ARHGAP24: variants seen among roughly 807,000 people sequenced by gnomAD.
ARHGAP24 encodes rho GTPase-activating protein 24.
ARHGAP24 carries 50 observed loss-of-function variants against 76.4 expected under a neutral mutation model. The ratio of observed to expected loss-of-function variants is 0.65; its 90% CI spans 0.52 to 0.83. The LOEUF (loss-of-function observed/expected upper bound fraction) is 0.83, where lower values mean the gene tolerates loss of function less well. Ranked by LOEUF, ARHGAP24 falls within the 40% of genes least tolerant of loss-of-function variation. The pLI is 0.00. For missense variants in ARHGAP24, 930 were observed against 914.2 expected (o/e 1.02, Z -0.22); for synonymous variants, 345 against 323.3 (o/e 1.07, Z -0.72).
intron 2 of ARHGAP24, among the ~76,000 whole-genome samples, chr4:85,578,775 T>C (rs938296379): frequency 6.6e-6 from 1 of 152,030 alleles, no homozygotes; most frequent in Non-Finnish European, 1.5e-5. Context: ...ATTTGTACCA[T>C]CTTTGTCCAT....
chr4:85,672,835 T>C (rs1722854496), intron 2 of ARHGAP24, among the ~76,000 whole-genome samples: 1 of 152,228 alleles, frequency 6.6e-6, no homozygotes, highest in Admixed American at 6.5e-5. Context: ...TTTCTTTTTG[T>C]AATTAATTAT....
chr4:85,601,381 T>C (rs1427755571), intron 2 of ARHGAP24, among the ~76,000 whole-genome samples: 3 of 152,240 alleles, frequency 2.0e-5, no homozygotes, highest in Non-Finnish European at 2.9e-5. Flanking sequence ...CCTGGTATTA[T>C]ATGCAACAAC....
At chr4:85,993,602 T>A (rs1740467808) in intron 8 of ARHGAP24, among the ~76,000 whole-genome samples, 1 of 152,206 alleles carries the variant, frequency 6.6e-6, no homozygotes, top group Non-Finnish European at 1.5e-5. Flanking sequence ...AATTAGCTGC[T>A]GTTGTAATGA....
At chr4:85,851,915 C>T (rs1731258019) in intron 3 of ARHGAP24, among the ~76,000 whole-genome samples, 1 of 152,100 alleles carries the variant, frequency 6.6e-6, no homozygotes. Flanking sequence ...GTGAATCTGA[C>T]AATTATGTGT....
chr4:85,723,271 A>G (rs1725028830), intron 3 of ARHGAP24: 1 of 152,220 alleles, frequency 6.6e-6, no homozygotes. Context: ...TTTATCTCCA[A>G]TAATGCTAGA....
Position 85,772,310 on chromosome 4 carries a change from C to T in ARHGAP24, c.268+50338C>T, listed in dbSNP as rs1161761368. 3.3e-5 allele frequency among the ~76,000 whole-genome samples: 5 copies of T among 152,158 alleles called. No homozygotes were observed. In the South Asian group the frequency reaches 1.0e-3, roughly 32 times the overall value. Reference sequence around the variant, plus strand: ...ATTGTCATTAACAGCAGTGCCTCCTCTTACTCTCAGAAAGTCAAGATTTAG... The same window carrying T: ...ATTGTCATTAACAGCAGTGCCTCCTTTTACTCTCAGAAAGTCAAGATTTAG... On this transcript the variant is annotated intron_variant, in intron 3 of 9. Transcript: ENST00000395184.
intron 3 of ARHGAP24, among the ~76,000 whole-genome samples, chr4:85,781,900 G>A (rs922612278): frequency 1.4e-4 from 22 of 151,788 alleles, no homozygotes; most frequent in African/African-American, 4.4e-4. Flanking sequence ...AGCCAGGCAC[G>A]GTGGCGCATG....
intron 3 of ARHGAP24, among the ~76,000 whole-genome samples, chr4:85,810,015 A>C (rs1259006360): frequency 1.3e-5 from 2 of 152,242 alleles, no homozygotes; most frequent in African/African-American, 4.8e-5. Flanking sequence ...CATATTATGA[A>C]ATCATAAAAT....
At chr4:85,620,968 T>C (rs1468635925) in intron 2 of ARHGAP24, among the ~76,000 whole-genome samples, 2 of 152,160 alleles carry the variant, frequency 1.3e-5, no homozygotes, top group East Asian at 1.9e-4. Context: ...TATCTATTGT[T>C]TTCATCTTTA....
chr4:85,762,050 T>C (rs1267744552), intron 3 of ARHGAP24, among the ~76,000 whole-genome samples: 1 of 152,210 alleles, frequency 6.6e-6, no homozygotes, highest in African/African-American at 2.4e-5. Context: ...ATGGTAAAAT[T>C]GCACCACCAG....
At chr4:85,969,646 G>GT (rs895765880) in intron 5 of ARHGAP24, among the ~76,000 whole-genome samples, 40 of 152,080 alleles carry the variant, frequency 2.6e-4, no homozygotes, top group Non-Finnish European at 4.3e-4. Context: ...CCAAGCTGTG[G>GT]TTTTTTTACT....
intron 3 of ARHGAP24, among the ~76,000 whole-genome samples, chr4:85,739,969 C>T (rs1391492518): frequency 6.6e-6 from 1 of 152,258 alleles, no homozygotes; most frequent in African/African-American, 2.4e-5. Flanking sequence ...CCCTATCGCC[C>T]CTTGCTCCCA....
At chr4:85,727,966 G>T (rs796407561) in intron 3 of ARHGAP24, among the ~76,000 whole-genome samples, 21 of 151,568 alleles carry the variant, frequency 1.4e-4, no homozygotes, top group African/African-American at 5.1e-4. Context: ...GATAAATTTT[G>T]AAGGATAATC....
intron 2 of ARHGAP24, among the ~76,000 whole-genome samples, chr4:85,578,899 C>T (rs995547783): frequency 1.3e-5 from 2 of 152,104 alleles, no homozygotes; most frequent in African/African-American, 2.4e-5. Flanking sequence ...CAGGGAGGTG[C>T]TTTTCGTTGG....
At chr4:85,568,648 G>C (rs748255278) in intron 1 of ARHGAP24, among the ~76,000 whole-genome samples, 13 of 152,124 alleles carry the variant, frequency 8.5e-5, no homozygotes, top group South Asian at 2.1e-4. Context: ...CCAGTCTGCA[G>C]ACACACGGGC....
In ARHGAP24 at chr4:85,856,115, C is replaced by T. The variant is rs184318240; in HGVS notation, c.269-67533C>T. Among the ~76,000 whole-genome samples the T allele has an allele frequency of 1.3e-3, 201 of 152,252 alleles. 1 individual carries two copies. The highest frequency in any genetic ancestry group is 2.0e-3 in the Non-Finnish European group (136 of 68,026). On this transcript the variant is annotated intron_variant, in intron 3 of 9. Transcript: ENST00000395184. ...TCCAGTTGCTTCATGTTCTTGCCAT[C>T]ATTTGATATTATCAACCTTTCTTTT...
intron 6 of ARHGAP24, chr4:85,972,455 A>G: frequency 2.4e-6 from 1 of 411,054 alleles, no homozygotes. Flanking sequence ...CACATCACAC[A>G]AAAGAAGTGA....
At chr4:85,698,711 C>T (rs1268202474) in intron 2 of ARHGAP24, among the ~76,000 whole-genome samples, 1 of 152,178 alleles carries the variant, frequency 6.6e-6, no homozygotes, top group Admixed American at 6.5e-5. Flanking sequence ...TCCTGGCTTC[C>T]ACATAGCACG....
intron 2 of ARHGAP24, among the ~76,000 whole-genome samples, chr4:85,644,526 A>G (rs1462176970): frequency 2.0e-5 from 3 of 152,142 alleles, no homozygotes; most frequent in Admixed American, 2.0e-4. Flanking sequence ...CATTTATCAA[A>G]TACATATGTA....
Sources: gnomAD v4.1 joint callset for allele counts (sites outside exome capture counted in the v4.1 genomes callset) on GRCh38, gnomAD v4.1.1 for gene constraint, MANE v1.5 for transcripts, NCBI Gene and HGNC (gene_info 2026-07-23, HGNC 2026-07-21) for gene names.